Variants in NPAS3 observed in about 807,000 individuals in gnomAD.
NPAS3 encodes the protein neuronal PAS domain-containing protein 3.
In NPAS3, 14 loss-of-function variants were observed where a neutral mutation model predicts 73.1. The observed-to-expected ratio is 0.19, with a 90% CI of 0.13 to 0.30. The LOEUF (loss-of-function observed/expected upper bound fraction) is 0.30. NPAS3 is among the 10% of genes least tolerant of loss of function. The pLI is 1.00. For missense variants in NPAS3, 1,096 were observed against 1,250.0 expected (o/e 0.88, Z 1.86); for synonymous variants, 620 against 541.5 (o/e 1.14, Z -2.01).
intron 6 of NPAS3, among the ~76,000 whole-genome samples, chr14:33,707,188 G>T (rs1294810819): frequency 6.6e-6 from 1 of 152,316 alleles, no homozygotes; most frequent in African/African-American, 2.4e-5. Flanking sequence ...GAGCAGAGGA[G>T]TTGATTCTGA....
intron 5 of NPAS3, among the ~76,000 whole-genome samples, chr14:33,670,002 G>A (rs1019474182): frequency 6.6e-6 from 1 of 151,976 alleles, no homozygotes; most frequent in African/African-American, 2.4e-5. Flanking sequence ...TGCAACCTCG[G>A]CCTCCCAGGC....
chr14:33,219,012 GT>G (rs537106637), intron 3 of NPAS3, among the ~76,000 whole-genome samples: 234 of 152,274 alleles, frequency 1.5e-3, no homozygotes, highest in African/African-American at 5.4e-3. Flanking sequence ...GTAACAGATA[GT>G]TTTTTCCCTT....
chr14:33,527,456 C>T (rs543109318), intron 4 of NPAS3, among the ~76,000 whole-genome samples: 1 of 152,138 alleles, frequency 6.6e-6, no homozygotes, highest in South Asian at 2.1e-4. Context: ...CTCTGTTTCT[C>T]AGAGATGTAG....
intron 3 of NPAS3, among the ~76,000 whole-genome samples, chr14:33,275,820 T>C (rs1468896344): frequency 5.9e-5 from 9 of 152,244 alleles, no homozygotes; most frequent in Non-Finnish European, 7.3e-5. Context: ...AAAGGCCAAC[T>C]CTTTTCAAAA....
At chr14:33,399,332 C>G (rs1331702010) in intron 4 of NPAS3, among the ~76,000 whole-genome samples, 1 of 151,266 alleles carries the variant, frequency 6.6e-6, no homozygotes, top group Non-Finnish European at 1.5e-5. Context: ...ATTTTTTTTT[C>G]TTAAGGAACA....
intron 2 of NPAS3, among the ~76,000 whole-genome samples, chr14:33,124,832 G>T (rs576998351): frequency 6.6e-6 from 1 of 152,102 alleles, no homozygotes; most frequent in Non-Finnish European, 1.5e-5. Flanking sequence ...GAAAGGAAAA[G>T]GTGTTACAAG....
intron 3 of NPAS3, among the ~76,000 whole-genome samples, chr14:33,325,599 A>G (rs2043663454): frequency 6.6e-6 from 1 of 150,472 alleles, no homozygotes; most frequent in Non-Finnish European, 1.5e-5. Context: ...GTGAGTCAAG[A>G]TCGTGCCCTC....
intron 3 of NPAS3, among the ~76,000 whole-genome samples, chr14:33,312,509 C>T (rs1419988223): frequency 2.0e-5 from 3 of 151,856 alleles, no homozygotes; most frequent in Non-Finnish European, 2.9e-5. Flanking sequence ...GTTCCAATTA[C>T]CATTTGAATT....
intron 4 of NPAS3, among the ~76,000 whole-genome samples, chr14:33,436,408 T>C (rs570691529): frequency 6.6e-6 from 1 of 152,332 alleles, no homozygotes; most frequent in Admixed American, 6.5e-5. Context: ...CTTTTGACGT[T>C]AATATTTTGG....
At chr14:33,705,040 A>G (rs746943751) in intron 6 of NPAS3, among the ~76,000 whole-genome samples, 103 of 152,152 alleles carry the variant, frequency 6.8e-4, no homozygotes, top group Non-Finnish European at 1.3e-3. Context: ...GATTTATTGC[A>G]TCTCTTCCAC....
At chr14:33,668,957 G>A (rs537883115) in intron 5 of NPAS3, among the ~76,000 whole-genome samples, 7 of 152,268 alleles carry the variant, frequency 4.6e-5, no homozygotes, top group East Asian at 1.9e-4. Flanking sequence ...AAATTGAGAC[G>A]TATTGATACT....
Position 33,416,044 on chromosome 14 carries a change from T to C in NPAS3, c.468+48776T>C, listed in dbSNP as rs1406766249. Among the ~76,000 whole-genome samples the C allele has an allele frequency of 3.9e-5, 6 of 152,228 alleles. No individual in the cohort carries two copies. In the East Asian group the frequency reaches 1.2e-3, roughly 29 times the overall value. ...GAGGATGTCTTTGTTCCCTGCTACA[T>C]GGGAGTACCTCTGCAGGAAAACCTC... On this transcript the variant is annotated intron_variant, in intron 4 of 11. Transcript: ENST00000356141.
intron 1 of NPAS3, among the ~76,000 whole-genome samples, chr14:32,952,568 A>G (rs1037609079): frequency 4.6e-5 from 7 of 152,234 alleles, no homozygotes; most frequent in African/African-American, 1.7e-4. Flanking sequence ...CCTGGAAACA[A>G]TGTCTCATAG....
At chr14:33,101,270 C>T (rs1218856687) in intron 2 of NPAS3, among the ~76,000 whole-genome samples, 1 of 151,992 alleles carries the variant, frequency 6.6e-6, no homozygotes, top group Non-Finnish European at 1.5e-5. Context: ...AAAAGTTATG[C>T]CTAGTTGTTA....
intron 5 of NPAS3, among the ~76,000 whole-genome samples, chr14:33,638,289 G>A (rs1249100188): frequency 6.6e-6 from 1 of 152,006 alleles, no homozygotes; most frequent in Non-Finnish European, 1.5e-5. Context: ...GGATATAATG[G>A]GCTGCTGGTC....
intron 2 of NPAS3, among the ~76,000 whole-genome samples, chr14:33,207,803 G>C (rs1197002425): frequency 6.6e-6 from 1 of 152,134 alleles, no homozygotes; most frequent in Non-Finnish European, 1.5e-5. Context: ...CAATTGATTG[G>C]TCTTGGCATT....
chr14:33,184,912 C>T (rs1414589332), intron 2 of NPAS3, among the ~76,000 whole-genome samples: 1 of 152,138 alleles, frequency 6.6e-6, no homozygotes, highest in Non-Finnish European at 1.5e-5. Context: ...AGCCTGAAAC[C>T]TAGAAGAAAG....
At chr14:33,697,198 C>T (rs949868358) in intron 6 of NPAS3, among the ~76,000 whole-genome samples, 12 of 152,166 alleles carry the variant, frequency 7.9e-5, no homozygotes, top group African/African-American at 2.9e-4. Flanking sequence ...GGTTACATCA[C>T]TGAGACTTTT....
chr14:33,410,112 T>C (rs913674167), intron 4 of NPAS3, among the ~76,000 whole-genome samples: 1 of 152,166 alleles, frequency 6.6e-6, no homozygotes. Context: ...CCTTTGCTGG[T>C]CCAGTGTCAT....
Sources: allele counts gnomAD v4.1 joint callset (sites outside exome capture counted in the v4.1 genomes callset), GRCh38; gene constraint gnomAD v4.1.1; transcripts MANE v1.5; gene names NCBI Gene and HGNC (gene_info 2026-07-23, HGNC 2026-07-21).